The following THSD7B variants were observed in gnomAD, a reference collection of about 807,000 sequenced individuals.
The protein encoded by THSD7B is thrombospondin type 1 domain containing 7B.
Under a neutral mutation model 213.6 loss-of-function variants are expected in THSD7B, and 138 were observed. That is an observed-to-expected ratio of 0.65 (90% confidence interval 0.56 to 0.74). The LOEUF is 0.74. THSD7B is among the 30% of genes least tolerant of loss of function. THSD7B has a pLI of 0.00. For missense variants in THSD7B, 1,931 were observed against 1,991.5 expected, an observed-to-expected ratio of 0.97 and a Z score of 0.58; for synonymous variants, 742 against 687.0, an observed-to-expected ratio of 1.08 and a Z score of -1.25.
chr2:137,237,090 GC>G (rs1681781260), intron 9 of THSD7B, among the ~76,000 whole-genome samples: 1 of 133,102 alleles, frequency 7.5e-6, no homozygotes, highest in African/African-American at 2.8e-5. Context: ...TCCAGCCTGG[GC>G]AATAAGAGAG....
chr2:136,843,507 G>A (rs809013), intron 1 of THSD7B, among the ~76,000 whole-genome samples: 125,731 of 152,138 alleles, frequency 0.83, 52,204 homozygotes, highest in Non-Finnish European at 0.87. Context: ...TTCAAGAGAA[G>A]AGTACAGGAA....
At chr2:137,272,746 T>C in intron 11 of THSD7B, 84 bp downstream of exon 11, 1 of 1,448,170 alleles carries the variant, frequency 6.9e-7, no homozygotes, top group Non-Finnish European at 9.4e-7. Flanking sequence ...GGTCGTTTGG[T>C]GAAAAATAAG....
chr2:136,970,482 T>G (rs973436505), intron 2 of THSD7B, among the ~76,000 whole-genome samples: 5 of 150,010 alleles, frequency 3.3e-5, no homozygotes, highest in African/African-American at 1.2e-4. Context: ...AACAAACAAA[T>G]AAATAAATAA....
At chr2:137,275,638 T>A (rs1682852580) in intron 11 of THSD7B, among the ~76,000 whole-genome samples, 1 of 151,976 alleles carries the variant, frequency 6.6e-6, no homozygotes, top group Admixed American at 6.6e-5. Flanking sequence ...GCCACTTTTC[T>A]ATATTAACCA....
chr2:137,403,366 T>A (rs1368980096), intron 12 of THSD7B, among the ~76,000 whole-genome samples: 1 of 152,196 alleles, frequency 6.6e-6, no homozygotes, highest in Non-Finnish European at 1.5e-5. Flanking sequence ...GAATTCAGAA[T>A]ATAAGAAGAA....
chr2:137,050,491 G>A (rs1281903371), intron 2 of THSD7B, among the ~76,000 whole-genome samples: 1 of 152,194 alleles, frequency 6.6e-6, no homozygotes, highest in Non-Finnish European at 1.5e-5. Context: ...TGCTATTAGT[G>A]CCAAACAAAA....
In THSD7B at chr2:137,563,088, G is replaced by A. The variant is rs867104775; in HGVS notation, c.3139-133G>A. On this transcript the variant is annotated intron_variant, in intron 15 of 27. Coordinates refer to ENST00000409968, the MANE Select transcript of THSD7B (RefSeq NM_001316349.2). ...AAGCCAAATCTATCTTGCTTTTTTG[G>A]GAAAGTAATTTGGCTGTTTGGGCCA... 22 of 929,322 alleles carry A rather than the reference G, an allele frequency of 2.4e-5. No homozygotes were observed. The Middle Eastern group carries it at 1.5e-3, about 65-fold the overall frequency. 57.6% of individuals were successfully genotyped at this position (929,322 alleles called of 1,614,324 possible). A position where few individuals can be genotyped will look rare whatever the true frequency, so the allele number is the denominator to read the frequency against.
At chr2:137,178,476 T>C (rs1319070163) in intron 7 of THSD7B, among the ~76,000 whole-genome samples, 1 of 152,214 alleles carries the variant, frequency 6.6e-6, no homozygotes, top group Non-Finnish European at 1.5e-5. Flanking sequence ...AAGATCAGGC[T>C]GTGCTGTTCA....
chr2:137,349,749 G>A (rs147770916), intron 12 of THSD7B, among the ~76,000 whole-genome samples: 313 of 151,702 alleles, frequency 2.1e-3, no homozygotes, highest in African/African-American at 7.4e-3. Flanking sequence ...TTTTTTAAAT[G>A]AGCCCATAAT....
At chr2:137,290,588 G>C (rs1416863928) in intron 12 of THSD7B, among the ~76,000 whole-genome samples, 1 of 152,030 alleles carries the variant, frequency 6.6e-6, no homozygotes, top group Non-Finnish European at 1.5e-5. Context: ...GGTCATCCCA[G>C]TTCTGCCCAG....
rs935480562 is a variant in THSD7B, at chr2:137,412,601, AAAAAAAAAAC to A, written c.2959+746_2959+755del. On this transcript the variant is annotated intron_variant, in intron 14 of 27. Coordinates refer to ENST00000409968, the MANE Select transcript of THSD7B (RefSeq NM_001316349.2). ...AACGAGAGCAAAACTCTGTCTCAAAAAAAAAAAAACAAAAAAAAACAAAAAACAGTTTTAC... is the reference window on the plus strand; with the variant it reads ...AACGAGAGCAAAACTCTGTCTCAAAAAAAAAAAAACAAAAAACAGTTTTAC... Among the ~76,000 whole-genome samples the A allele has an allele frequency of 1.4e-4, 20 of 146,620 alleles. 1 individual carries two copies. The highest frequency in any genetic ancestry group is 5.0e-4 in the African/African-American group (20 of 40,324).
intron 2 of THSD7B, among the ~76,000 whole-genome samples, chr2:137,044,226 T>C (rs1264140361): frequency 1.3e-5 from 2 of 152,164 alleles, no homozygotes; most frequent in Non-Finnish European, 2.9e-5. Context: ...ATCAACAATC[T>C]CTAAAAATAT....
intron 1 of THSD7B, among the ~76,000 whole-genome samples, chr2:136,810,911 A>G (rs1682364946): frequency 6.6e-6 from 1 of 152,114 alleles, no homozygotes; most frequent in Non-Finnish European, 1.5e-5. Flanking sequence ...ATCATGCTTG[A>G]CTTGTTCCCT....
chr2:137,195,122 G>A (rs1680731445), intron 7 of THSD7B, among the ~76,000 whole-genome samples: 1 of 151,880 alleles, frequency 6.6e-6, no homozygotes. Flanking sequence ...GCACAGGGGA[G>A]CTCTTTACTG....
At chr2:136,910,302 G>A (rs1684235667) in intron 2 of THSD7B, among the ~76,000 whole-genome samples, 1 of 152,078 alleles carries the variant, frequency 6.6e-6, no homozygotes, top group South Asian at 2.1e-4. Context: ...CTGGATGTAT[G>A]GTTCTAGAAT....
intron 1 of THSD7B, among the ~76,000 whole-genome samples, chr2:136,869,707 G>T (rs1683399415): frequency 6.6e-6 from 1 of 152,144 alleles, no homozygotes. Context: ...GTGCTTGGGA[G>T]CCATTTTGTG....
At chr2:136,902,161 T>TC (rs35883986) in intron 2 of THSD7B, among the ~76,000 whole-genome samples, 65,232 of 151,936 alleles carry the variant, frequency 0.43, 15,588 homozygotes, top group Non-Finnish European at 0.55. Flanking sequence ...AATTCTAGAA[T>TC]CATTAAAGGG....
In THSD7B at chr2:137,314,288, G is replaced by A. The variant is rs535306761; in HGVS notation, c.2500+38262G>A. On this transcript the variant is annotated intron_variant, in intron 12 of 27. Transcript: ENST00000409968. ...TCCATCACTGATACCCTGTCTTCCA[G>A]TTGATCACATCGGCTCCTGAGGCTT... Among the ~76,000 whole-genome samples, 29 of 152,250 alleles carry A rather than the reference G, an allele frequency of 1.9e-4. 1 individual carries two copies. The East Asian group carries it at 4.8e-3, about 25-fold the overall frequency.
intron 2 of THSD7B, among the ~76,000 whole-genome samples, chr2:136,929,962 CTGTT>C (rs1232847199): frequency 1.3e-5 from 2 of 152,086 alleles, no homozygotes; most frequent in Non-Finnish European, 1.5e-5. Context: ...CAGAGAAATC[CTGTT>C]TGTTTTTAAT....
Sources: gnomAD v4.1 joint callset for allele counts (sites outside exome capture counted in the v4.1 genomes callset) on GRCh38, gnomAD v4.1.1 for gene constraint, MANE v1.5 for transcripts, NCBI Gene and HGNC (gene_info 2026-07-23, HGNC 2026-07-21) for gene names.